The following CTTNBP2 variants were observed in gnomAD, a reference collection of about 807,000 sequenced individuals.
The protein encoded by CTTNBP2 is cortactin binding protein 2.
Under a neutral mutation model 156.9 loss-of-function variants are expected in CTTNBP2, and 108 were observed. The ratio of observed to expected loss-of-function variants is 0.69; its 90% CI spans 0.59 to 0.81. CTTNBP2 has a LOEUF of 0.81. Ranked by LOEUF, CTTNBP2 falls within the 30% of genes least tolerant of loss-of-function variation. The probability of loss-of-function intolerance (pLI) is 0.00; values close to 1 mark genes in which losing one functional copy is unlikely to be tolerated. For missense variants in CTTNBP2, 1,924 were observed against 2,035.4 expected (o/e 0.95, Z 1.05); for synonymous variants, 767 against 751.8 (o/e 1.02, Z -0.33).
chr7:117,718,537 A>C (rs1794593554), intron 21 of CTTNBP2, among the ~76,000 whole-genome samples: 1 of 152,194 alleles, frequency 6.6e-6, no homozygotes, highest in African/African-American at 2.4e-5. Context: ...AATACAGTTG[A>C]GTGTCTCAGG....
chr7:117,809,466 C>T (rs755824504), intron 3 of CTTNBP2, among the ~76,000 whole-genome samples: 3 of 152,172 alleles, frequency 2.0e-5, no homozygotes, highest in Non-Finnish European at 4.4e-5. Context: ...GTTTCAGTGA[C>T]ATCAGCTGAA....
At chr7:117,763,549 CTTCTTCTTTTTTTT>C (rs1797316248) in intron 9 of CTTNBP2, among the ~76,000 whole-genome samples, 1 of 133,160 alleles carries the variant, frequency 7.5e-6, no homozygotes, top group Admixed American at 7.3e-5. Flanking sequence ...TCTTTTTCTT[CTTCTTCTTTTTTTT>C]TTTTTTTTTT....
At chr7:117,804,889 C>T in intron 3 of CTTNBP2, among the ~76,000 whole-genome samples, 1 of 152,170 alleles carries the variant, frequency 6.6e-6, no homozygotes, top group East Asian at 1.9e-4. Context: ...TGTGACAAAC[C>T]TGCACATCTT....
At chr7:117,863,618 G>C (rs997227771) in intron 1 of CTTNBP2, among the ~76,000 whole-genome samples, 1 of 152,206 alleles carries the variant, frequency 6.6e-6, no homozygotes, top group African/African-American at 2.4e-5. Context: ...ACATGGTGAG[G>C]AGCACTTCTG....
At chr7:117,813,407 C>T (rs1307594433) in intron 2 of CTTNBP2, among the ~76,000 whole-genome samples, 1 of 152,110 alleles carries the variant, frequency 6.6e-6, no homozygotes, top group African/African-American at 2.4e-5. Flanking sequence ...ATGGCCTTTG[C>T]GACTGTACAG....
rs536981876 is a variant in CTTNBP2 at position 117,717,759 on chromosome 7, A to G, written c.4746+259T>C. Among the ~76,000 whole-genome samples, 36 of 151,432 alleles carry G rather than the reference A, an allele frequency of 2.4e-4. No homozygotes were observed. In the South Asian group the frequency reaches 6.9e-3, roughly 29 times the overall value. ...CATATAAAATGAAAAAAAAAAAAAC[A>G]TGGAGATCTCAACAGACACCCAAAA... On this transcript the variant is annotated intron_variant, in intron 22 of 22. Coordinates refer to ENST00000160373, the MANE Select transcript of CTTNBP2 (RefSeq NM_033427.3).
chr7:117,861,297 T>A lies in CTTNBP2; in HGVS notation c.101A>T (p.Asp34Val), dbSNP rs763691650. 2 of 1,612,572 alleles carry A rather than the reference T, an allele frequency of 1.2e-6. No homozygotes were observed. Among genetic ancestry groups the A allele is most frequent in the African/African-American group, 1.3e-5 (1 of 74,820 alleles). ...CCGCAGCTCGGATTTACTGAGAGTA[T>A]CCACATCAAACTCTTTTTTCTGTAA... ...AEAAKKEFDV[D>V]TLSKSELRML... The change falls in exon 2 of 23, where the codon GAT becomes GTT. Residue 34 changes from aspartate (D) to valine (V), a missense_variant. By Grantham distance (152) the Asp-to-Val change is radical (BLOSUM62 -3). Coordinates refer to ENST00000160373, the MANE Select transcript of CTTNBP2 (RefSeq NM_033427.3).
At chr7:117,858,529 T>G (rs1458857398) in intron 2 of CTTNBP2, among the ~76,000 whole-genome samples, 1 of 152,190 alleles carries the variant, frequency 6.6e-6, no homozygotes, top group Non-Finnish European at 1.5e-5. Context: ...TGATTTTATC[T>G]ATAAAAAAAG....
chr7:117,802,196 T>C (rs191640182), intron 3 of CTTNBP2, among the ~76,000 whole-genome samples: 348 of 151,838 alleles, frequency 2.3e-3, no homozygotes, highest in South Asian at 0.013. Context: ...CTGAGAATGA[T>C]GATTCAATAC....
At chr7:117,838,891 A>C (rs930949350) in intron 2 of CTTNBP2, among the ~76,000 whole-genome samples, 2 of 133,330 alleles carry the variant, frequency 1.5e-5, no homozygotes, top group African/African-American at 5.8e-5. Flanking sequence ...GTACCATTTT[A>C]TTACTTAGAA....
chr7:117,821,124 T>C (rs564269159), intron 2 of CTTNBP2, among the ~76,000 whole-genome samples: 2 of 152,250 alleles, frequency 1.3e-5, no homozygotes, highest in Admixed American at 1.3e-4. Context: ...TTGGTTTCAG[T>C]AGTTGTTTTT....
chr7:117,710,793 T>C lies in CTTNBP2; in HGVS notation c.*744A>G, dbSNP rs1584866025. The C allele has an allele frequency of 6.5e-6, 1 of 152,726 alleles. No homozygotes were observed. The highest frequency in any genetic ancestry group is 1.9e-4 in the East Asian group (1 of 5,192). The allele number at this position is 152,726 out of a possible 1,614,324, so 9.5% of individuals were successfully genotyped here. A position where few individuals can be genotyped will look rare whatever the true frequency, so the allele number is the denominator to read the frequency against. ...TACTAGAAATATTGAAGGAGTTAAT[T>C]CTGAATTTATTCATTTATGCAGTTA... On this transcript the variant is annotated 3_prime_UTR_variant, in exon 23 of 23. Coordinates refer to ENST00000160373, the MANE Select transcript of CTTNBP2 (RefSeq NM_033427.3).
At chr7:117,722,420 C>G (rs1794849334) in intron 19 of CTTNBP2, among the ~76,000 whole-genome samples, 1 of 152,056 alleles carries the variant, frequency 6.6e-6, no homozygotes, top group African/African-American at 2.4e-5. Flanking sequence ...GTAAAGTTAA[C>G]TTTTAGAAAT....
At chr7:117,850,254 T>C (rs187186185) in intron 2 of CTTNBP2, among the ~76,000 whole-genome samples, 116 of 152,346 alleles carry the variant, frequency 7.6e-4, no homozygotes, top group African/African-American at 2.7e-3. Flanking sequence ...TCTAAGTGCA[T>C]GCCTGAAACC....
intron 19 of CTTNBP2, 150 bp from the exon 20 acceptor site, chr7:117,721,280 A>C: frequency 1.6e-6 from 1 of 617,864 alleles, no homozygotes; most frequent in Non-Finnish European, 2.8e-6. Context: ...CCCAGGACAG[A>C]GGCTCTGGGC....
intron 2 of CTTNBP2, among the ~76,000 whole-genome samples, chr7:117,841,022 T>A (rs1245434398): frequency 6.6e-6 from 1 of 152,214 alleles, no homozygotes; most frequent in South Asian, 2.1e-4. Flanking sequence ...AACTGAGAAA[T>A]TTTAAATAAA....
At position 117,810,750 on chromosome 7, in the gene CTTNBP2, T is replaced by C. The variant is rs1284040129; in HGVS notation, c.414+15A>G. Reference sequence around the variant, plus strand: ...CCATGTTGTGGGGAAAATGACCATTTGAACGCCTCAATACCTTCTTTTGTC... The same window carrying C: ...CCATGTTGTGGGGAAAATGACCATTCGAACGCCTCAATACCTTCTTTTGTC... On this transcript the variant is annotated intron_variant, in intron 3 of 22. Transcript: ENST00000160373. 1 of 1,607,374 alleles carries C rather than the reference T, an allele frequency of 6.2e-7. No individual in the cohort carries two copies. The highest frequency in any genetic ancestry group is 8.5e-7 in the Non-Finnish European group (1 of 1,175,384).
At chr7:117,734,637 A>C (rs550670336) in intron 16 of CTTNBP2, among the ~76,000 whole-genome samples, 1 of 152,208 alleles carries the variant, frequency 6.6e-6, no homozygotes, top group Non-Finnish European at 1.5e-5. Flanking sequence ...AGAGTGATTA[A>C]TTTTCTAACC....
Position 117,873,416 on chromosome 7 carries a change from C to A in CTTNBP2, c.-1G>T. ...CGCAGCTCGCGCCGTCCGTCGCCAT[C>A]TTCCTGCTCTAGCGGATCCGAATGC... On this transcript the variant is annotated 5_prime_UTR_variant, in exon 1 of 23. Coordinates refer to ENST00000160373, the MANE Select transcript of CTTNBP2 (RefSeq NM_033427.3). The A allele has an allele frequency of 6.7e-7, 1 of 1,498,372 alleles. No individual in the cohort carries two copies. The highest frequency in any genetic ancestry group is 8.8e-7 in the Non-Finnish European group (1 of 1,131,180). The allele number at this position is 1,498,372 out of a possible 1,614,324, so 92.8% of individuals were successfully genotyped here. A position where few individuals can be genotyped will look rare whatever the true frequency, so the allele number is the denominator to read the frequency against.
Sources: gnomAD v4.1 joint callset for allele counts (sites outside exome capture counted in the v4.1 genomes callset) on GRCh38, gnomAD v4.1.1 for gene constraint, MANE v1.5 for transcripts, NCBI Gene and HGNC (gene_info 2026-07-23, HGNC 2026-07-21) for gene names.